Variants in ASTN1 observed in about 807,000 individuals in gnomAD.
ASTN1 encodes the protein astrotactin-1.
Under a neutral mutation model 140.7 loss-of-function variants are expected in ASTN1, and 41 were observed. That is an observed-to-expected ratio of 0.29 (90% CI 0.23 to 0.38). ASTN1 has a LOEUF of 0.38. Ranked by LOEUF, ASTN1 falls within the 10% of genes least tolerant of loss-of-function variation. ASTN1 has a pLI of 1.00. For missense variants in ASTN1, 1,479 were observed against 1,678.8 expected (o/e 0.88, Z 2.08); for synonymous variants, 640 against 652.2 (o/e 0.98, Z 0.29).
At chr1:177,071,148 T>C (rs1470987675) in intron 1 of ASTN1, among the ~76,000 whole-genome samples, 1 of 152,182 alleles carries the variant, frequency 6.6e-6, no homozygotes, top group Non-Finnish European at 1.5e-5. Context: ...CATTAGCAAA[T>C]TGAACAATCT....
intron 8 of ASTN1, among the ~76,000 whole-genome samples, 173 bp from the exon 9 acceptor site, chr1:176,965,410 G>A (rs1386644473): frequency 6.6e-6 from 1 of 152,192 alleles, no homozygotes; most frequent in African/African-American, 2.4e-5. Context: ...CCTGGGACCT[G>A]ACGAAGAACA....
intron 19 of ASTN1, among the ~76,000 whole-genome samples, chr1:176,883,609 G>C (rs914663604): frequency 1.3e-5 from 2 of 152,178 alleles, no homozygotes; most frequent in African/African-American, 2.4e-5. Context: ...TGGAAGAAGC[G>C]GTAGGCAGCT....
At chr1:177,118,409 T>C (rs539771764) in intron 1 of ASTN1, among the ~76,000 whole-genome samples, 1 of 152,310 alleles carries the variant, frequency 6.6e-6, no homozygotes, top group Admixed American at 6.5e-5. Context: ...CTGTGGAATA[T>C]GACTGAGGTG....
Position 177,122,030 on chromosome 1 carries a change from T to C in ASTN1, c.283+42364A>G, listed in dbSNP as rs115182429. Among the ~76,000 whole-genome samples, 503 of 152,236 alleles carry C rather than the reference T, an allele frequency of 3.3e-3. 3 individuals carry two copies. The highest frequency in any genetic ancestry group is 0.012 in the African/African-American group (480 of 41,524). ...TGGCTCGAGCAGAAGGAATAAATGC[T>C]GAGAGAAGGAAGTGCTGCCACTACC... On this transcript the variant is annotated intron_variant, in intron 1 of 22. Coordinates refer to ENST00000361833, the MANE Select transcript of ASTN1 (RefSeq NM_004319.3).
chr1:176,934,621 T>A (rs1344853518), intron 15 of ASTN1, among the ~76,000 whole-genome samples: 2 of 152,190 alleles, frequency 1.3e-5, no homozygotes, highest in African/African-American at 4.8e-5. Flanking sequence ...ATGTGTTTTT[T>A]TTTTTTTAAA....
rs76714598 is a variant in ASTN1, at chr1:177,070,832, C to T, written c.284-9567G>A. Among the ~76,000 whole-genome samples, 1,280 of 152,222 alleles carry T rather than the reference C, an allele frequency of 8.4e-3. 10 individuals carry two copies. The highest frequency in any genetic ancestry group is 0.013 in the Non-Finnish European group (914 of 68,018). On this transcript the variant is annotated intron_variant, in intron 1 of 22. Coordinates refer to ENST00000361833, the MANE Select transcript of ASTN1 (RefSeq NM_004319.3). Reference sequence around the variant, plus strand: ...CCACTGTTGTTTTTCACTATCTCAACGTTCATTCCCTCACTTTGCAAATCT... The same window carrying T: ...CCACTGTTGTTTTTCACTATCTCAATGTTCATTCCCTCACTTTGCAAATCT...
intron 9 of ASTN1, among the ~76,000 whole-genome samples, chr1:176,958,973 T>G (rs1374644013): frequency 6.6e-6 from 1 of 152,130 alleles, no homozygotes; most frequent in Non-Finnish European, 1.5e-5. Context: ...CAGAAATGAC[T>G]GAAGCCAAGA....
At chr1:177,085,340 G>A (rs980845090) in intron 1 of ASTN1, among the ~76,000 whole-genome samples, 4 of 152,100 alleles carry the variant, frequency 2.6e-5, no homozygotes, top group African/African-American at 4.8e-5. Context: ...TGGAGTAGAC[G>A]TTAGAAAAAA....
chr1:177,128,190 A>G (rs991166456), intron 1 of ASTN1, among the ~76,000 whole-genome samples: 4 of 152,206 alleles, frequency 2.6e-5, no homozygotes, highest in African/African-American at 9.7e-5. Flanking sequence ...GAAGCACTGT[A>G]TAAAAAAAGA....
chr1:177,149,858 CATAGTAAATATATATACAGTGTATATAT>C (rs1280248424), intron 1 of ASTN1, among the ~76,000 whole-genome samples: 499 of 114,180 alleles, frequency 4.4e-3, no homozygotes, highest in Admixed American at 8.9e-3. Flanking sequence ...AGTGTATATA[CATAGTAAATATATATACAGTGTATATAT>C]ATAGTAAATA....
Position 176,863,769 on chromosome 1 carries a change from T to A in ASTN1, c.*515A>T. On this transcript the variant is annotated 3_prime_UTR_variant, in exon 23 of 23. Coordinates refer to ENST00000361833, the MANE Select transcript of ASTN1 (RefSeq NM_004319.3). ...ACAGACAAGGGCCACCTTCCTCAAT[T>A]TTCTATTGTCTCTCTCTGTGAGCAG... is the stretch of plus-strand genomic sequence containing the variant. The A allele has an allele frequency of 1.0e-6, 1 of 987,114 alleles. No homozygotes were observed. Among genetic ancestry groups the A allele is most frequent in the South Asian group, 4.7e-5 (1 of 21,390 alleles). 61.1% of individuals were successfully genotyped at this position (987,114 alleles called of 1,614,324 possible).
intron 1 of ASTN1, among the ~76,000 whole-genome samples, chr1:177,070,304 CCT>C (rs1678573601): frequency 6.6e-6 from 1 of 152,164 alleles, no homozygotes; most frequent in Non-Finnish European, 1.5e-5. Flanking sequence ...CATTCCAAAT[CCT>C]CTGTCTTATA....
intron 1 of ASTN1, among the ~76,000 whole-genome samples, chr1:177,107,912 G>T (rs1680627839): frequency 6.6e-6 from 1 of 152,116 alleles, no homozygotes; most frequent in Non-Finnish European, 1.5e-5. Context: ...ATAACCTATT[G>T]TTGGGAGGAT....
At chr1:177,144,408 G>A (rs749490056) in intron 1 of ASTN1, among the ~76,000 whole-genome samples, 1 of 151,330 alleles carries the variant, frequency 6.6e-6, no homozygotes, top group Admixed American at 6.6e-5. Flanking sequence ...ACCAGCCACC[G>A]CGCCCGGCTA....
At chr1:176,964,373 T>C (rs1672786263) in intron 9 of ASTN1, among the ~76,000 whole-genome samples, 1 of 152,306 alleles carries the variant, frequency 6.6e-6, no homozygotes, top group Non-Finnish European at 1.5e-5. Context: ...TTCACGCCCA[T>C]ACTGTCAAGC....
intron 12 of ASTN1, among the ~76,000 whole-genome samples, chr1:176,948,007 T>C (rs960833510): frequency 5.9e-5 from 9 of 152,192 alleles, no homozygotes; most frequent in Non-Finnish European, 1.2e-4. Flanking sequence ...CTTCCATTTA[T>C]GGTATGAGAG....
intron 1 of ASTN1, among the ~76,000 whole-genome samples, chr1:177,125,656 G>T (rs987166993): frequency 4.6e-5 from 7 of 152,134 alleles, no homozygotes; most frequent in Non-Finnish European, 1.0e-4. Flanking sequence ...TTCAGACCAG[G>T]ATTCAGTCAT....
At chr1:177,115,935 C>A (rs1681065460) in intron 1 of ASTN1, among the ~76,000 whole-genome samples, 1 of 152,114 alleles carries the variant, frequency 6.6e-6, no homozygotes, top group Non-Finnish European at 1.5e-5. Context: ...TTCCATTGAA[C>A]ACTTTATTGG....
At chr1:176,893,007 G>A (rs1007603832) in intron 17 of ASTN1, among the ~76,000 whole-genome samples, 1 of 152,206 alleles carries the variant, frequency 6.6e-6, no homozygotes, top group Admixed American at 6.5e-5. Flanking sequence ...CTGGTGCAGG[G>A]AGAAAGGGAA....
Sources: allele counts gnomAD v4.1 joint callset (sites outside exome capture counted in the v4.1 genomes callset), GRCh38; gene constraint gnomAD v4.1.1; transcripts MANE v1.5; gene names NCBI Gene and HGNC (gene_info 2026-07-23, HGNC 2026-07-21).